KPNA4: variants seen among roughly 807,000 people sequenced by gnomAD.
KPNA4 encodes the protein importin subunit alpha-3.
In KPNA4, 13 loss-of-function variants were observed where a neutral mutation model predicts 71.3. That is an observed-to-expected ratio of 0.18 (90% CI 0.12 to 0.29). The LOEUF (loss-of-function observed/expected upper bound fraction) is 0.29. KPNA4 is among the 10% of genes least tolerant of loss of function. The probability of loss-of-function intolerance (pLI) is 1.00; values close to 1 mark genes in which losing one functional copy is unlikely to be tolerated. For missense variants in KPNA4, 334 were observed against 603.2 expected (o/e 0.55, Z 4.67); for synonymous variants, 189 against 195.2 (o/e 0.97, Z 0.26).
chr3:160,562,730 T>C (rs546751805), intron 1 of KPNA4, among the ~76,000 whole-genome samples: 5 of 152,332 alleles, frequency 3.3e-5, no homozygotes, highest in African/African-American at 1.2e-4. Flanking sequence ...CTACCCCTAA[T>C]GTATGCACAA....
intron 11 of KPNA4, among the ~76,000 whole-genome samples, chr3:160,516,050 G>C (rs972875751): frequency 4.6e-5 from 7 of 152,088 alleles, no homozygotes; most frequent in African/African-American, 1.7e-4. Flanking sequence ...GCAGTGGCTC[G>C]ATCCTGGCTC....
intron 1 of KPNA4, among the ~76,000 whole-genome samples, chr3:160,547,514 A>G (rs1721947427): frequency 6.6e-6 from 1 of 151,908 alleles, no homozygotes; most frequent in South Asian, 2.1e-4. Context: ...TCCTCCCCCT[A>G]CATCAACATC....
intron 1 of KPNA4, among the ~76,000 whole-genome samples, chr3:160,556,323 T>C (rs1396127153): frequency 4.6e-5 from 7 of 151,932 alleles, no homozygotes; most frequent in Non-Finnish European, 5.9e-5. Flanking sequence ...CGTACCATTT[T>C]ACATTCCCAT....
chr3:160,504,507 GCCTTA>G (rs1170691911), intron 16 of KPNA4, among the ~76,000 whole-genome samples: 6 of 152,088 alleles, frequency 3.9e-5, no homozygotes, highest in Non-Finnish European at 5.9e-5. Flanking sequence ...ATTATATAGT[GCCTTA>G]CCTTTTTATT....
intron 1 of KPNA4, among the ~76,000 whole-genome samples, chr3:160,544,971 C>G (rs1721876698): frequency 6.6e-6 from 1 of 152,142 alleles, no homozygotes; most frequent in Admixed American, 6.5e-5. Flanking sequence ...GAATAGAAAT[C>G]ATTTAAACTA....
chr3:160,511,165 G>C (rs1029549719), intron 13 of KPNA4, among the ~76,000 whole-genome samples: 3 of 151,520 alleles, frequency 2.0e-5, no homozygotes, highest in African/African-American at 7.3e-5. Context: ...GAGTGCAGTG[G>C]CGCAATCTTG....
At chr3:160,535,490 C>A in intron 5 of KPNA4, 23 bp downstream of exon 5, 1 of 1,576,266 alleles carries the variant, frequency 6.3e-7, no homozygotes, top group African/African-American at 1.3e-5. Flanking sequence ...AAAATCTAAA[C>A]ATGTCTTCCA....
intron 1 of KPNA4, among the ~76,000 whole-genome samples, chr3:160,561,221 G>C (rs953503380): frequency 7.2e-5 from 11 of 151,914 alleles, no homozygotes; most frequent in African/African-American, 2.7e-4. Context: ...TTTGAACCTA[G>C]ACACTCAGAA....
chr3:160,518,381 C>T (rs1721272972), intron 11 of KPNA4, among the ~76,000 whole-genome samples: 2 of 150,698 alleles, frequency 1.3e-5, no homozygotes. Flanking sequence ...GTGATCCGCC[C>T]GCCTCGGCCT....
intron 1 of KPNA4, among the ~76,000 whole-genome samples, chr3:160,538,662 G>A (rs146789400): frequency 1.7e-3 from 252 of 152,214 alleles, no homozygotes; most frequent in African/African-American, 5.9e-3. Context: ...AGTGGCTTAC[G>A]TCCAGTCAAA....
At chr3:160,507,621 G>A (rs1470932154) in intron 15 of KPNA4, among the ~76,000 whole-genome samples, 1 of 151,472 alleles carries the variant, frequency 6.6e-6, no homozygotes, top group Non-Finnish European at 1.5e-5. Flanking sequence ...ATAATTTGCT[G>A]AATGCTATTT....
chr3:160,551,613 G>C (rs1254729866), intron 1 of KPNA4, among the ~76,000 whole-genome samples: 1 of 151,224 alleles, frequency 6.6e-6, no homozygotes, highest in Non-Finnish European at 1.5e-5. Flanking sequence ...AAGTTAGTTG[G>C]ATGGGGAGTT....
rs370960382 is a variant in KPNA4, at chr3:160,536,728, A to G, written c.114+68T>C. On this transcript the variant is annotated intron_variant, in intron 2 of 16. Coordinates refer to ENST00000334256, the MANE Select transcript of KPNA4 (RefSeq NM_002268.5). Reference sequence around the variant, plus strand: ...CCTAAAAACATAATATATATTTGGCATCTTGTATATAATGCTATAATGTTG... The same window carrying G: ...CCTAAAAACATAATATATATTTGGCGTCTTGTATATAATGCTATAATGTTG... 284 of 786,502 alleles carry G rather than the reference A, an allele frequency of 3.6e-4. 1 individual carries two copies. In the African/African-American group the frequency reaches 4.6e-3, roughly 13 times the overall value. The allele number at this position is 786,502 out of a possible 1,614,324, so 48.7% of individuals were successfully genotyped here.
chr3:160,523,609 G>C (rs1398353921), intron 10 of KPNA4, among the ~76,000 whole-genome samples: 1 of 152,080 alleles, frequency 6.6e-6, no homozygotes, highest in Non-Finnish European at 1.5e-5. Context: ...CAGCACTTTG[G>C]GGGGCCAAGG....
At chr3:160,522,283 T>C (rs1721364443) in intron 10 of KPNA4, among the ~76,000 whole-genome samples, 1 of 152,230 alleles carries the variant, frequency 6.6e-6, no homozygotes, top group South Asian at 2.1e-4. Context: ...ACTACATGTA[T>C]CCAACATGCA....
At chr3:160,510,286 T>A (rs768705336) in intron 13 of KPNA4, among the ~76,000 whole-genome samples, 2 of 152,298 alleles carry the variant, frequency 1.3e-5, no homozygotes, top group Admixed American at 6.5e-5. Context: ...ATGTTATACA[T>A]TGCCTTTTCA....
intron 15 of KPNA4, among the ~76,000 whole-genome samples, chr3:160,506,104 T>A (rs932144507): frequency 1.3e-5 from 2 of 152,138 alleles, no homozygotes; most frequent in Admixed American, 6.5e-5. Flanking sequence ...TTAAATCTCC[T>A]CATCTCCCCT....
rs761626164 is a variant in KPNA4, at chr3:160,502,209, G to GA, written c.1468-8dup. 1.3e-4 allele frequency: 185 copies of GA among 1,419,276 alleles called. No individual in the cohort carries two copies. Among genetic ancestry groups the GA allele is most frequent in the South Asian group, 3.4e-4 (25 of 73,106 alleles). The allele number at this position is 1,419,276 out of a possible 1,614,324, so 87.9% of individuals were successfully genotyped here. ...GGCTAGGGTCTTCATCAATCTAGGT[G>GA]AAAAAAAAGAAAAAGAATGTGATAA... On this transcript the variant is annotated splice_region_variant and splice_polypyrimidine_tract_variant and intron_variant, in intron 16 of 16. Coordinates refer to ENST00000334256, the MANE Select transcript of KPNA4 (RefSeq NM_002268.5).
intron 5 of KPNA4, among the ~76,000 whole-genome samples, chr3:160,534,699 A>AGAGT (rs1233435309): frequency 8.0e-6 from 1 of 125,322 alleles, no homozygotes; most frequent in African/African-American, 3.0e-5. Flanking sequence ...CCTGGGCGAC[A>AGAGT]GAGTGAGACT....
Sources: gnomAD v4.1 joint callset for allele counts (sites outside exome capture counted in the v4.1 genomes callset) on GRCh38, gnomAD v4.1.1 for gene constraint, MANE v1.5 for transcripts, NCBI Gene and HGNC (gene_info 2026-07-23, HGNC 2026-07-21) for gene names.